The following UBL3 variants were observed in gnomAD, a reference collection of about 807,000 sequenced individuals.
The protein encoded by UBL3 is ubiquitin like 3.
UBL3 carries 6 observed loss-of-function variants against 18.4 expected under a neutral mutation model. That is an observed-to-expected ratio of 0.33 (90% confidence interval 0.18 to 0.64). The LOEUF is 0.64. Among genes scored for constraint, UBL3 ranks in the 30% least tolerant of loss-of-function variants. The pLI is 0.76. For missense variants in UBL3, 109 were observed against 142.9 expected (o/e 0.76, Z 1.21); for synonymous variants, 49 against 46.6 (o/e 1.05, Z -0.21).
chr13:29,797,772 T>A (rs1412313250), intron 1 of UBL3, among the ~76,000 whole-genome samples: 1 of 152,172 alleles, frequency 6.6e-6, no homozygotes, highest in Non-Finnish European at 1.5e-5. Flanking sequence ...CCCTGGTTTG[T>A]CCTTTTCCTA....
At chr13:29,801,300 A>G (rs1208042153) in intron 1 of UBL3, among the ~76,000 whole-genome samples, 1 of 152,182 alleles carries the variant, frequency 6.6e-6, no homozygotes, top group East Asian at 1.9e-4. Flanking sequence ...CCCCCAGCTA[A>G]GCATTCCCAC....
chr13:29,842,134 C>CTTTTTTTTTTTTTTT (rs201006689), intron 1 of UBL3, among the ~76,000 whole-genome samples: 1 of 128,030 alleles, frequency 7.8e-6, no homozygotes, highest in African/African-American at 3.4e-5. Flanking sequence ...CATTCTCTTT[C>CTTTTTTTTTTTTTTT]TTTTTTTTTT....
chr13:29,830,560 G>A (rs1027729788), intron 1 of UBL3, among the ~76,000 whole-genome samples: 2 of 152,090 alleles, frequency 1.3e-5, no homozygotes, highest in Admixed American at 1.3e-4. Context: ...ACATCTCTTC[G>A]CAATCTCTGC....
intron 1 of UBL3, among the ~76,000 whole-genome samples, chr13:29,817,374 A>C (rs1334445335): frequency 6.6e-6 from 1 of 152,144 alleles, no homozygotes; most frequent in Admixed American, 6.5e-5. Flanking sequence ...AGAACCTTCG[A>C]ATTTTTTAAA....
At chr13:29,780,686 G>T (rs1442649217) in intron 1 of UBL3, among the ~76,000 whole-genome samples, 1 of 151,828 alleles carries the variant, frequency 6.6e-6, no homozygotes, top group Non-Finnish European at 1.5e-5. Flanking sequence ...TTGAGAAAAG[G>T]TATAACTAAG....
Position 29,788,838 on chromosome 13 carries a change from A to AGTGTGT in UBL3, c.28-11581_28-11576dup, listed in dbSNP as rs58898742. ...GAATGGAGGTAGGGCTTAATGGGGAAGTGTGTGTGTGTGTGTGTGTGTGTG... is the reference window on the plus strand; with the variant it reads ...GAATGGAGGTAGGGCTTAATGGGGAAGTGTGTGTGTGTGTGTGTGTGTGTGTGTGTG... On this transcript the variant is annotated intron_variant, in intron 1 of 4. Transcript: ENST00000380680. 5.0e-3 allele frequency among the ~76,000 whole-genome samples: 694 copies of AGTGTGT among 138,192 alleles called. 9 individuals are homozygous for AGTGTGT. Among genetic ancestry groups the AGTGTGT allele is most frequent in the African/African-American group, 0.017 (629 of 36,784 alleles). The allele number at this position is 138,192 out of a possible 152,430, so 90.7% of individuals were successfully genotyped here. A position where few individuals can be genotyped will look rare whatever the true frequency, so the allele number is the denominator to read the frequency against.
chr13:29,842,918 C>G (rs1351029277), intron 1 of UBL3, among the ~76,000 whole-genome samples: 1 of 152,184 alleles, frequency 6.6e-6, no homozygotes, highest in Non-Finnish European at 1.5e-5. Flanking sequence ...TCCTAAAATC[C>G]TACTCAGACA....
At chr13:29,820,819 C>CT (rs1465958452) in intron 1 of UBL3, among the ~76,000 whole-genome samples, 6 of 152,074 alleles carry the variant, frequency 3.9e-5, no homozygotes, top group African/African-American at 1.4e-4. Flanking sequence ...TCTTTTTGTT[C>CT]TATAATCTTA....
intron 1 of UBL3, among the ~76,000 whole-genome samples, chr13:29,817,065 T>A (rs1297988996): frequency 6.6e-6 from 1 of 152,224 alleles, no homozygotes; most frequent in Non-Finnish European, 1.5e-5. Context: ...TCATTATTCC[T>A]GGACATTTTG....
intron 1 of UBL3, among the ~76,000 whole-genome samples, chr13:29,804,486 T>C (rs973532500): frequency 6.6e-6 from 1 of 151,786 alleles, no homozygotes; most frequent in Non-Finnish European, 1.5e-5. Flanking sequence ...AGAGCTGAAA[T>C]GAAGGAAACT....
chr13:29,829,671 C>T (rs974871767), intron 1 of UBL3, among the ~76,000 whole-genome samples: 30 of 152,128 alleles, frequency 2.0e-4, no homozygotes, highest in Non-Finnish European at 4.0e-4. Flanking sequence ...CTTCGGCTCA[C>T]GCTCGGTGGG....
rs529055760 is a variant in UBL3 at position 29,799,499 on chromosome 13, C to T, written c.28-22236G>A. On this transcript the variant is annotated intron_variant, in intron 1 of 4. Coordinates refer to ENST00000380680, the MANE Select transcript of UBL3 (RefSeq NM_007106.4). ...TTAAGTAAAAATGTCTAAAAGGTAC[C>T]TAAATGCAATAAATTACATGATCAC... 7.9e-5 allele frequency among the ~76,000 whole-genome samples: 12 copies of T among 152,240 alleles called. No homozygotes were observed. The South Asian group carries it at 2.5e-3, about 32-fold the overall frequency.
At chr13:29,773,790 C>T (rs1593649238) in intron 2 of UBL3, among the ~76,000 whole-genome samples, 1 of 152,110 alleles carries the variant, frequency 6.6e-6, no homozygotes, top group Non-Finnish European at 1.5e-5. Flanking sequence ...TTTTTTTGAA[C>T]CTTTGACCCA....
intron 1 of UBL3, among the ~76,000 whole-genome samples, chr13:29,797,314 GGCT>G (rs1877639942): frequency 6.6e-6 from 1 of 152,134 alleles, no homozygotes; most frequent in Non-Finnish European, 1.5e-5. Context: ...CAAAGAAGCA[GGCT>G]TAGTTAGTGA....
intron 1 of UBL3, among the ~76,000 whole-genome samples, chr13:29,843,052 G>GA (rs1479706652): frequency 1.3e-5 from 2 of 152,064 alleles, no homozygotes; most frequent in African/African-American, 4.8e-5. Flanking sequence ...CTGATCACAG[G>GA]AAAAAACAGC....
rs529136758 is a variant in UBL3 at position 29,810,594 on chromosome 13, C to T, written c.28-33331G>A. Among the ~76,000 whole-genome samples, 22 of 152,072 alleles carry T rather than the reference C, an allele frequency of 1.4e-4. No individual in the cohort carries two copies. In the South Asian group the frequency reaches 4.6e-3, roughly 32 times the overall value. ...TCTTTTGGATTTGTAAACTGAAGAC[C>T]AGTGGTGTATAGTACATTTTGTGCA... is the stretch of plus-strand genomic sequence containing the variant. On this transcript the variant is annotated intron_variant, in intron 1 of 4. Transcript: ENST00000380680.
chr13:29,831,025 AT>A (rs913266963), intron 1 of UBL3, among the ~76,000 whole-genome samples: 366 of 148,540 alleles, frequency 2.5e-3, no homozygotes, highest in African/African-American at 6.5e-3. Flanking sequence ...ACAATCCAGC[AT>A]TTTTTTTTTC....
rs1025869688 is a variant in UBL3, at chr13:29,793,141, TAAAGCGC to T, written c.28-15885_28-15879del. Among the ~76,000 whole-genome samples, 97 of 152,112 alleles carry T rather than the reference TAAAGCGC, an allele frequency of 6.4e-4. 2 individuals are homozygous for T. The highest frequency in any genetic ancestry group is 3.4e-3 in the Middle Eastern group (1 of 294). On this transcript the variant is annotated intron_variant, in intron 1 of 4. Coordinates refer to ENST00000380680, the MANE Select transcript of UBL3 (RefSeq NM_007106.4). The stretch of plus-strand genomic sequence containing the variant: ...AATAAAGAAGAGAACTATAGAATAG[TAAAGCGC>T]AAATTAAAATTGAAAGGAAAAATTT...
intron 1 of UBL3, among the ~76,000 whole-genome samples, chr13:29,809,680 G>A (rs1472603500): frequency 6.6e-6 from 1 of 152,084 alleles, no homozygotes. Flanking sequence ...CAGGGATGGA[G>A]GCAGTGAAGA....
Sources: gnomAD v4.1 joint callset for allele counts (sites outside exome capture counted in the v4.1 genomes callset) on GRCh38, gnomAD v4.1.1 for gene constraint, MANE v1.5 for transcripts, NCBI Gene and HGNC (gene_info 2026-07-23, HGNC 2026-07-21) for gene names.